Variants in ZNF385D observed in about 807,000 individuals in gnomAD.
ZNF385D encodes the protein zinc finger protein 659.
In ZNF385D, 15 loss-of-function variants were observed where a neutral mutation model predicts 35.8. The observed-to-expected ratio is 0.42, with a 90% CI of 0.28 to 0.64. ZNF385D has a LOEUF of 0.64. Ranked by LOEUF, ZNF385D falls within the 30% of genes least tolerant of loss-of-function variation. The pLI is 0.23. For missense variants in ZNF385D, 474 were observed against 494.6 expected (o/e 0.96, Z 0.39); for synonymous variants, 212 against 186.8 (o/e 1.13, Z -1.10).
At chr3:22,354,497 G>A (rs556512066) in intron 2 of ZNF385D, among the ~76,000 whole-genome samples, 45 of 151,804 alleles carry the variant, frequency 3.0e-4, no homozygotes, top group Non-Finnish European at 5.4e-4. Flanking sequence ...CAGAAATCTT[G>A]ATAAGAAGGA....
intron 3 of ZNF385D, among the ~76,000 whole-genome samples, chr3:21,939,907 G>C (rs1701434465): frequency 6.6e-6 from 1 of 152,102 alleles, no homozygotes; most frequent in African/African-American, 2.4e-5. Context: ...TTTGGCAAAA[G>C]GAAAAAATTC....
At chr3:22,343,815 T>C (rs11917421) in intron 2 of ZNF385D, among the ~76,000 whole-genome samples, 99 of 152,312 alleles carry the variant, frequency 6.5e-4, no homozygotes, top group African/African-American at 2.3e-3. Flanking sequence ...TCACATTCAG[T>C]GCCCCTTGTA....
intron 4 of ZNF385D, among the ~76,000 whole-genome samples, chr3:21,440,271 T>C (rs1701791574): frequency 6.6e-6 from 1 of 152,130 alleles, no homozygotes. Context: ...AAATGAATGA[T>C]AATGTTAACA....
intron 3 of ZNF385D, among the ~76,000 whole-genome samples, chr3:21,839,619 T>C (rs567209737): frequency 7.9e-5 from 12 of 152,230 alleles, no homozygotes; most frequent in African/African-American, 2.6e-4. Context: ...AGTAAAGATG[T>C]ATTTCTTGCC....
chr3:21,685,573 C>G (rs998396909), intron 1 of ZNF385D, among the ~76,000 whole-genome samples: 1 of 152,162 alleles, frequency 6.6e-6, no homozygotes, highest in Non-Finnish European at 1.5e-5. Context: ...CTTGCTCCAA[C>G]AAGAGGAAGT....
At chr3:21,645,322 A>T (rs1253694962) in intron 2 of ZNF385D, among the ~76,000 whole-genome samples, 1 of 152,158 alleles carries the variant, frequency 6.6e-6, no homozygotes, top group East Asian at 1.9e-4. Flanking sequence ...GTGAGATCAC[A>T]CTAGCAGCTG....
intron 4 of ZNF385D, among the ~76,000 whole-genome samples, chr3:21,466,950 C>G (rs1304705309): frequency 6.6e-6 from 1 of 152,130 alleles, no homozygotes; most frequent in Non-Finnish European, 1.5e-5. Context: ...GAAGAAAGTT[C>G]TGGACCTGAA....
At chr3:21,837,217 T>C (rs754918826) in intron 3 of ZNF385D, among the ~76,000 whole-genome samples, 1 of 152,150 alleles carries the variant, frequency 6.6e-6, no homozygotes, top group Non-Finnish European at 1.5e-5. Flanking sequence ...ATTCTAGCAG[T>C]TGAAAGCCTT....
intron 1 of ZNF385D, among the ~76,000 whole-genome samples, chr3:21,695,286 C>T (rs2067431330): frequency 6.6e-6 from 1 of 152,040 alleles, no homozygotes; most frequent in Admixed American, 6.6e-5. Flanking sequence ...TTTCTTTTCC[C>T]TTTTAAATTA....
At chr3:21,638,295 C>T (rs1011723513) in intron 2 of ZNF385D, among the ~76,000 whole-genome samples, 2 of 152,004 alleles carry the variant, frequency 1.3e-5, no homozygotes, top group African/African-American at 4.8e-5. Flanking sequence ...ATACAACAAA[C>T]AGGTTTGGAA....
intron 2 of ZNF385D, among the ~76,000 whole-genome samples, chr3:21,636,354 TTATATATGATTATA>T (rs1305042744): frequency 6.8e-4 from 75 of 109,794 alleles, no homozygotes; most frequent in African/African-American, 2.4e-3. Flanking sequence ...ATATATATGA[TTATATATGATTATA>T]TATATATGAT....
At chr3:21,631,083 AT>A (rs1294126376) in intron 2 of ZNF385D, among the ~76,000 whole-genome samples, 4 of 152,118 alleles carry the variant, frequency 2.6e-5, no homozygotes, top group African/African-American at 9.7e-5. Flanking sequence ...GATTTGGAAC[AT>A]TACCCTGTGT....
chr3:21,634,875 C>A (rs1188308947), intron 2 of ZNF385D, among the ~76,000 whole-genome samples: 1 of 151,414 alleles, frequency 6.6e-6, no homozygotes, highest in African/African-American at 2.4e-5. Context: ...GAAGAGACAA[C>A]AATTGTCACT....
chr3:21,859,405 C>G (rs73820162), intron 3 of ZNF385D, among the ~76,000 whole-genome samples: 1 of 139,552 alleles, frequency 7.2e-6, no homozygotes, highest in Non-Finnish European at 1.6e-5. Context: ...TGGAAAGTAA[C>G]AGAAAAAAAA....
chr3:21,882,585 CTG>C (rs1698337119), intron 3 of ZNF385D, among the ~76,000 whole-genome samples: 1 of 151,962 alleles, frequency 6.6e-6, no homozygotes, highest in Admixed American at 6.6e-5. Context: ...TGCACTAACT[CTG>C]AGTCGTGCCT....
At chr3:22,359,436 A>G (rs1426317789) in intron 2 of ZNF385D, among the ~76,000 whole-genome samples, 6 of 151,916 alleles carry the variant, frequency 3.9e-5, no homozygotes, top group African/African-American at 1.4e-4. Context: ...AGGCTCTACT[A>G]CCTTGGGCAT....
Position 22,037,535 on chromosome 3 carries a change from C to G in ZNF385D, c.325+131282G>C, listed in dbSNP as rs566002434. On this transcript the variant is annotated intron_variant, in intron 3 of 5. Transcript: ENST00000494108. Reference sequence around the variant, plus strand: ...CTTTTGAGAAGTGTCTGTTCATATCCTTCACCCACTTTTTGATGGGGTTGT... The same window carrying G: ...CTTTTGAGAAGTGTCTGTTCATATCGTTCACCCACTTTTTGATGGGGTTGT... Among the ~76,000 whole-genome samples, 140 of 152,164 alleles carry G rather than the reference C, an allele frequency of 9.2e-4. 3 individuals carry two copies. The East Asian group carries it at 0.026, about 28-fold the overall frequency.
chr3:22,267,157 T>C (rs1363885923), intron 2 of ZNF385D, among the ~76,000 whole-genome samples: 1 of 151,872 alleles, frequency 6.6e-6, no homozygotes, highest in Non-Finnish European at 1.5e-5. Context: ...TCTGAAAGAG[T>C]TCAACTTGCA....
At chr3:21,732,030 GTTT>G (rs1214143626) in intron 1 of ZNF385D, among the ~76,000 whole-genome samples, 1 of 37,370 alleles carries the variant, frequency 2.7e-5, no homozygotes, top group Non-Finnish European at 5.6e-5. Context: ...TTTTTTCGGG[GTTT>G]TTTTTTTTTT....
Sources: gnomAD v4.1 joint callset for allele counts (sites outside exome capture counted in the v4.1 genomes callset) on GRCh38, gnomAD v4.1.1 for gene constraint, MANE v1.5 for transcripts, NCBI Gene and HGNC (gene_info 2026-07-23, HGNC 2026-07-21) for gene names.